The following LINGO2 variants were observed in gnomAD, a reference collection of about 807,000 sequenced individuals.
The protein encoded by LINGO2 is leucine-rich repeat and immunoglobulin-like domain-containing nogo receptor-interacting protein 2.
In LINGO2, 14 loss-of-function variants were observed where a neutral mutation model predicts 30.6. The observed-to-expected ratio is 0.46, with a 90% CI of 0.30 to 0.72. The LOEUF is 0.72. LINGO2 is among the 30% of genes least tolerant of loss of function. The pLI is 0.07. For synonymous variants in LINGO2, 317 were observed against 288.5 expected, an observed-to-expected ratio of 1.10 and a Z score of -1.00; for missense variants, 729 against 751.7, an observed-to-expected ratio of 0.97 and a Z score of 0.35.
intron 4 of LINGO2, among the ~76,000 whole-genome samples, chr9:28,174,919 T>TGAGAGA (rs1438795846): frequency 7.0e-6 from 1 of 142,484 alleles, no homozygotes; most frequent in South Asian, 2.2e-4. Context: ...TGTGTGTGTG[T>TGAGAGA]GTGAGAGAGA....
the LINGO2 span, among the ~76,000 whole-genome samples, chr9:29,122,033 A>G: frequency 6.6e-6 from 1 of 152,132 alleles, no homozygotes; most frequent in Admixed American, 6.5e-5. Context: ...GAAACTCATG[A>G]TAGAGGAGGG....
At chr9:28,502,209 A>T (rs1218522214) in intron 1 of LINGO2, among the ~76,000 whole-genome samples, 2 of 151,506 alleles carry the variant, frequency 1.3e-5, no homozygotes, top group African/African-American at 4.9e-5. Context: ...TCTTCCAAAG[A>T]TATTTTCTTC....
chr9:28,736,338 G>C, the LINGO2 span, among the ~76,000 whole-genome samples: 483 of 152,272 alleles, frequency 3.2e-3, 2 homozygotes, highest in African/African-American at 0.011. Flanking sequence ...GACAGAGCCA[G>C]AATAATGTTA....
chr9:29,099,345 C>T, the LINGO2 span, among the ~76,000 whole-genome samples: 1 of 152,016 alleles, frequency 6.6e-6, no homozygotes, highest in East Asian at 1.9e-4. Context: ...GAGCGACATC[C>T]CACAGACACA....
the LINGO2 span, among the ~76,000 whole-genome samples, chr9:29,016,255 A>G: frequency 1.8e-3 from 281 of 152,232 alleles, 1 homozygote; most frequent in African/African-American, 6.4e-3. Flanking sequence ...CTAACCAAAA[A>G]CTCTTGAATT....
chr9:28,744,609 C>CGTGTGTGTGGGTGTGTGTGTGT, the LINGO2 span, among the ~76,000 whole-genome samples: 1 of 133,954 alleles, frequency 7.5e-6, no homozygotes, highest in Non-Finnish European at 1.5e-5. Flanking sequence ...ATATTCCCCT[C>CGTGTGTGTGGGTGTGTGTGTGT]GTGTGTGTGT....
chr9:28,920,578 C>T, the LINGO2 span, among the ~76,000 whole-genome samples: 3 of 152,114 alleles, frequency 2.0e-5, no homozygotes, highest in African/African-American at 7.2e-5. Context: ...ATCTACAAAA[C>T]ATTCTCAAAG....
the LINGO2 span, among the ~76,000 whole-genome samples, chr9:28,678,372 T>C: frequency 9.2e-5 from 14 of 152,044 alleles, no homozygotes; most frequent in Admixed American, 5.3e-4. Flanking sequence ...TTTCTTCAGG[T>C]ATCAGCTTAA....
At chr9:28,821,308 G>C in the LINGO2 span, among the ~76,000 whole-genome samples, 2 of 152,250 alleles carry the variant, frequency 1.3e-5, no homozygotes, top group Non-Finnish European at 2.9e-5. Context: ...TTGTTTCCTG[G>C]GAGTTTCCAA....
intron 5 of LINGO2, among the ~76,000 whole-genome samples, chr9:27,958,093 T>G (rs1257616467): frequency 1.3e-5 from 2 of 152,190 alleles, no homozygotes; most frequent in Non-Finnish European, 2.9e-5. Context: ...GGGTTTTTCA[T>G]AGATGACCTT....
At chr9:28,603,574 A>G (rs1365764062) in intron 1 of LINGO2, among the ~76,000 whole-genome samples, 1 of 152,066 alleles carries the variant, frequency 6.6e-6, no homozygotes, top group African/African-American at 2.4e-5. Context: ...AAAAGATACA[A>G]TTTATATTGC....
At chr9:28,243,832 C>T (rs1234330271) in intron 4 of LINGO2, among the ~76,000 whole-genome samples, 1 of 152,124 alleles carries the variant, frequency 6.6e-6, no homozygotes, top group Non-Finnish European at 1.5e-5. Flanking sequence ...AAAACATGTT[C>T]TTAGAGACCT....
At chr9:28,679,032 G>A in the LINGO2 span, among the ~76,000 whole-genome samples, 2 of 152,056 alleles carry the variant, frequency 1.3e-5, no homozygotes, top group Non-Finnish European at 2.9e-5. Flanking sequence ...GCTTTGGAAG[G>A]TTCCCTGGAT....
intron 3 of LINGO2, among the ~76,000 whole-genome samples, chr9:28,348,273 A>G (rs1261629652): frequency 1.3e-5 from 2 of 152,144 alleles, no homozygotes; most frequent in South Asian, 2.1e-4. Context: ...GACAGTGGGC[A>G]CAGGTCAGTG....
At chr9:28,259,303 G>A (rs10117066) in intron 4 of LINGO2, among the ~76,000 whole-genome samples, 6,120 of 152,084 alleles carry the variant, frequency 0.04, 389 homozygotes, top group African/African-American at 0.14. Context: ...AAATAAAAAT[G>A]TATGACTATG....
At chr9:28,012,130 C>G (rs1822586018) in intron 5 of LINGO2, among the ~76,000 whole-genome samples, 1 of 152,182 alleles carries the variant, frequency 6.6e-6, no homozygotes, top group Non-Finnish European at 1.5e-5. Context: ...CAAGTCTCCT[C>G]TTACCACTGA....
At chr9:28,395,082 A>G (rs953099546) in intron 2 of LINGO2, among the ~76,000 whole-genome samples, 2 of 152,242 alleles carry the variant, frequency 1.3e-5, no homozygotes, top group Admixed American at 1.3e-4. Context: ...TTATTAAAAC[A>G]TGGAATCATT....
the LINGO2 span, among the ~76,000 whole-genome samples, chr9:29,090,379 G>A: frequency 1.3e-5 from 2 of 151,952 alleles, no homozygotes; most frequent in Non-Finnish European, 2.9e-5. Flanking sequence ...CAGTCTTGCA[G>A]GGTCTCCTTT....
chr9:29,155,674 A>C, the LINGO2 span, among the ~76,000 whole-genome samples: 1 of 152,000 alleles, frequency 6.6e-6, no homozygotes, highest in African/African-American at 2.4e-5. Context: ...TTACTGTAAA[A>C]AGGAATTAAC....
Sources: allele counts gnomAD v4.1 joint callset (sites outside exome capture counted in the v4.1 genomes callset), GRCh38; gene constraint gnomAD v4.1.1; transcripts MANE v1.5; gene names NCBI Gene and HGNC (gene_info 2026-07-23, HGNC 2026-07-21).